The following RFTN2 variants were observed in gnomAD, a reference collection of about 807,000 sequenced individuals.
The protein encoded by RFTN2 is raftlin family member 2.
RFTN2 carries 34 observed loss-of-function variants against 52.7 expected under a neutral mutation model. That is an observed-to-expected ratio of 0.64 (90% confidence interval 0.49 to 0.86). The LOEUF is 0.86. Ranked by LOEUF, RFTN2 falls within the 40% of genes least tolerant of loss-of-function variation. The pLI is 0.00. For missense variants in RFTN2, 536 were observed against 600.1 expected (o/e 0.89, Z 1.12); for synonymous variants, 203 against 217.7 (o/e 0.93, Z 0.59).
Position 197,633,922 on chromosome 2 carries a change from T to C in RFTN2, c.514A>G (p.Asn172Asp). The change falls in exon 4 of 9, where the codon AAT becomes GAT. Residue 172 changes from asparagine (N) to aspartate (D), a missense_variant. By Grantham distance (23) the Asn-to-Asp change is conservative (BLOSUM62 1). Transcript: ENST00000295049. Reference sequence around the variant, plus strand: ...ATATCTCCATCATGGTTGGTTCCATTGCAGAATTTAGATGGAGAATAATGC... The same window carrying C: ...ATATCTCCATCATGGTTGGTTCCATCGCAGAATTTAGATGGAGAATAATGC... ...SQHYSPSKFC[N>D]GTNHDGDIES... 6.2e-7 allele frequency: 1 copy of C among 1,613,366 alleles called. No homozygotes were observed. The highest frequency in any genetic ancestry group is 8.5e-7 in the Non-Finnish European group (1 of 1,179,376).
chr2:197,586,670 T>A (rs1418873800), intron 8 of RFTN2, among the ~76,000 whole-genome samples: 1 of 152,196 alleles, frequency 6.6e-6, no homozygotes, highest in African/African-American at 2.4e-5. Context: ...ATGTTCTTGG[T>A]ACTGGAATAG....
At chr2:197,628,365 C>A (rs1026492609) in intron 5 of RFTN2, among the ~76,000 whole-genome samples, 5 of 152,136 alleles carry the variant, frequency 3.3e-5, no homozygotes, top group Admixed American at 6.6e-5. Context: ...CCCTCCACCC[C>A]ATGAGCTGCT....
chr2:197,644,296 T>C, intron 2 of RFTN2, 24 bp from the exon 3 acceptor site: 2 of 1,330,884 alleles, frequency 1.5e-6, no homozygotes, highest in East Asian at 2.3e-5. Flanking sequence ...AATATGTTTA[T>C]GGTTGGAGGC....
intron 3 of RFTN2, among the ~76,000 whole-genome samples, chr2:197,638,028 T>C (rs1204903314): frequency 6.6e-6 from 1 of 150,698 alleles, no homozygotes; most frequent in Non-Finnish European, 1.5e-5. Flanking sequence ...GGTTGTTCAG[T>C]TTCCATGTAG....
At chr2:197,598,496 C>T (rs939977414) in intron 7 of RFTN2, among the ~76,000 whole-genome samples, 4 of 152,154 alleles carry the variant, frequency 2.6e-5, no homozygotes, top group African/African-American at 9.7e-5. Context: ...TAGAATTATT[C>T]TTCTTGAAGA....
intron 7 of RFTN2, among the ~76,000 whole-genome samples, chr2:197,608,962 T>C (rs1290544486): frequency 6.6e-6 from 1 of 152,234 alleles, no homozygotes; most frequent in Non-Finnish European, 1.5e-5. Flanking sequence ...GGACATGAAC[T>C]CATCCTTTTT....
intron 7 of RFTN2, among the ~76,000 whole-genome samples, chr2:197,599,152 C>A (rs1396510436): frequency 1.3e-5 from 2 of 151,998 alleles, no homozygotes; most frequent in Non-Finnish European, 2.9e-5. Flanking sequence ...AGGGTTTCAC[C>A]GTGGACTCGA....
rs7582536 is a variant in RFTN2 at position 197,571,379 on chromosome 2, A to G, written c.*629T>C. 107,602 of 152,446 alleles carry G rather than the reference A, an allele frequency of 0.71. 38,748 individuals are homozygous for G. Among genetic ancestry groups the G allele is most frequent in the Middle Eastern group, 0.86 (252 of 294 alleles). The allele number at this position is 152,446 out of a possible 1,614,324, so 9.4% of individuals were successfully genotyped here. On this transcript the variant is annotated 3_prime_UTR_variant, in exon 9 of 9. Transcript: ENST00000295049. ...CTTTTAGGAGCAACAACATTTATGT[A>G]CAATGAATCAGTACAGGGTTGGTGA...
intron 1 of RFTN2, among the ~76,000 whole-genome samples, chr2:197,651,395 G>A (rs1206533844): frequency 6.6e-6 from 1 of 152,186 alleles, no homozygotes; most frequent in Non-Finnish European, 1.5e-5. Context: ...AGAGCGGGTG[G>A]ATCACCTGAG....
intron 7 of RFTN2, among the ~76,000 whole-genome samples, chr2:197,614,628 C>T (rs778106388): frequency 1.2e-4 from 18 of 152,172 alleles, no homozygotes; most frequent in Non-Finnish European, 2.4e-4. Flanking sequence ...ACCATGGGGC[C>T]GGAGCCCCAC....
intron 7 of RFTN2, among the ~76,000 whole-genome samples, chr2:197,615,094 T>C (rs1336201777): frequency 6.6e-6 from 1 of 152,236 alleles, no homozygotes. Context: ...ACTGGGATAC[T>C]GGACAGGGCT....
At chr2:197,615,371 T>C (rs543527360) in intron 7 of RFTN2, among the ~76,000 whole-genome samples, 2 of 152,382 alleles carry the variant, frequency 1.3e-5, no homozygotes, top group African/African-American at 4.8e-5. Flanking sequence ...CAAAGCATTT[T>C]ACATAATGAC....
At chr2:197,608,615 G>A (rs900532074) in intron 7 of RFTN2, among the ~76,000 whole-genome samples, 2 of 142,928 alleles carry the variant, frequency 1.4e-5, no homozygotes, top group African/African-American at 5.2e-5. Context: ...TTCCTGGCTG[G>A]GACCAGACTT....
chr2:197,648,795 C>CCTGCCACTCTATAAT (rs1371856581), intron 1 of RFTN2, among the ~76,000 whole-genome samples: 1 of 152,178 alleles, frequency 6.6e-6, no homozygotes, highest in Non-Finnish European at 1.5e-5. Context: ...TGTTTCTGAA[C>CCTGCCACTCTATAAT]CTGCCACTCT....
chr2:197,607,040 T>C (rs1189144885), intron 7 of RFTN2, among the ~76,000 whole-genome samples: 4 of 152,322 alleles, frequency 2.6e-5, no homozygotes, highest in Non-Finnish European at 5.9e-5. Context: ...CGTATGTTTA[T>C]TGTGGGACTA....
At chr2:197,581,740 C>T (rs796637557) in intron 8 of RFTN2, among the ~76,000 whole-genome samples, 7 of 152,312 alleles carry the variant, frequency 4.6e-5, no homozygotes, top group East Asian at 3.9e-4. Context: ...CTCTCCCTGC[C>T]GATCATGTCC....
At chr2:197,615,465 A>C (rs2088126518) in intron 7 of RFTN2, among the ~76,000 whole-genome samples, 1 of 152,248 alleles carries the variant, frequency 6.6e-6, no homozygotes, top group Non-Finnish European at 1.5e-5. Flanking sequence ...AGAAAAGGAA[A>C]AGGAAAGTTA....
At chr2:197,645,550 T>C (rs1269664979) in intron 2 of RFTN2, among the ~76,000 whole-genome samples, 1 of 152,242 alleles carries the variant, frequency 6.6e-6, no homozygotes, top group Non-Finnish European at 1.5e-5. Flanking sequence ...TATTTTACCA[T>C]GAAAACTATC....
chr2:197,618,117 G>A (rs1183554156), intron 5 of RFTN2, 196 bp from the exon 6 acceptor site: 1 of 253,328 alleles, frequency 3.9e-6, no homozygotes, highest in Non-Finnish European at 7.0e-6. Context: ...CTCTTTCCAC[G>A]GTCTCCCTCT....
Sources: gnomAD v4.1 joint callset for allele counts (sites outside exome capture counted in the v4.1 genomes callset) on GRCh38, gnomAD v4.1.1 for gene constraint, MANE v1.5 for transcripts, NCBI Gene and HGNC (gene_info 2026-07-23, HGNC 2026-07-21) for gene names.